The following ATG12 variants were observed in gnomAD, a reference collection of about 807,000 sequenced individuals.
ATG12 encodes autophagy related 12, also known as ubiquitin-like protein ATG12.
Under a neutral mutation model 17.6 loss-of-function variants are expected in ATG12, and 19 were observed. The ratio of observed to expected loss-of-function variants is 1.08; its 90% confidence interval spans 0.75 to 1.58. The LOEUF (loss-of-function observed/expected upper bound fraction) is 1.58, where lower values mean the gene tolerates loss of function less well. Among genes scored for constraint, ATG12 ranks in the 40% most tolerant of loss-of-function variants. The pLI is 0.00. For missense variants in ATG12, 214 were observed against 162.0 expected (o/e 1.32, Z -1.74); for synonymous variants, 75 against 62.4 (o/e 1.20, Z -0.95).
chr5:115,832,775 G>C, intron 2 of ATG12, 111 bp from the exon 3 acceptor site: 1 of 1,074,574 alleles, frequency 9.3e-7, no homozygotes, highest in Non-Finnish European at 1.3e-6. Context: ...ATTGAAGAAA[G>C]CTTCTCTGAA....
rs1434101268 is a variant in ATG12 at position 115,831,086 on chromosome 5, G to T, written c.*718C>A. 6.6e-6 allele frequency: 1 copy of T among 152,156 alleles called. No individual in the cohort carries two copies. The highest frequency in any genetic ancestry group is 6.5e-5 in the Admixed American group (1 of 15,274). The allele number at this position is 152,156 out of a possible 1,614,324, so 9.4% of individuals were successfully genotyped here. A position where few individuals can be genotyped will look rare whatever the true frequency, so the allele number is the denominator to read the frequency against. On this transcript the variant is annotated 3_prime_UTR_variant, in exon 4 of 4. Coordinates refer to ENST00000509910, the MANE Select transcript of ATG12 (RefSeq NM_004707.4). ...AGAGTAACACCACAGTTATGTGATT[G>T]GGACTCAAGAATCCTTAAATGTTAG...
chr5:115,839,831 T>C (rs1400782586), intron 1 of ATG12, among the ~76,000 whole-genome samples: 1 of 152,172 alleles, frequency 6.6e-6, no homozygotes, highest in Non-Finnish European at 1.5e-5. Flanking sequence ...GTAGGAATAG[T>C]TAGAAACTAA....
Position 115,829,561 on chromosome 5 carries a change from T to G in ATG12, c.*2243A>C, listed in dbSNP as rs1037863244. On this transcript the variant is annotated 3_prime_UTR_variant, in exon 4 of 4. Coordinates refer to ENST00000509910, the MANE Select transcript of ATG12 (RefSeq NM_004707.4). ...TACTTTGTGTGCCATGGGTCATCTATGCACAGTAAGATGAAGCATGATATT... is the reference window on the plus strand; with the variant it reads ...TACTTTGTGTGCCATGGGTCATCTAGGCACAGTAAGATGAAGCATGATATT... 5.3e-5 allele frequency: 8 copies of G among 152,224 alleles called. No individual in the cohort carries two copies. Among genetic ancestry groups the G allele is most frequent in the Admixed American group, 3.9e-4 (6 of 15,280 alleles). 9.4% of individuals were successfully genotyped at this position (152,224 alleles called of 1,614,324 possible). A position where few individuals can be genotyped will look rare whatever the true frequency, so the allele number is the denominator to read the frequency against.
In ATG12 at chr5:115,832,645, G is replaced by GAA; in HGVS notation, c.319_320insTT (p.Ser107PhefsTer82). On this transcript the variant is annotated frameshift_variant, in exon 3 of 4. Transcript: ENST00000509910. LOFTEE classifies it high-confidence loss of function. The stretch of plus-strand genomic sequence containing the variant: ...TTCTTGGTCTGGGGAAGGAGCAAAG[G>GAA]ACTGATTCACATAAATAAACTACAA... The GAA allele has an allele frequency of 6.7e-7, 1 of 1,501,848 alleles. No homozygotes were observed. The highest frequency in any genetic ancestry group is 2.6e-5 in the East Asian group (1 of 38,150). The allele number at this position is 1,501,848 out of a possible 1,614,324, so 93.0% of individuals were successfully genotyped here.
chr5:115,835,252 A>G (rs1407704335), intron 2 of ATG12: 1 of 152,114 alleles, frequency 6.6e-6, no homozygotes, highest in East Asian at 1.9e-4. Flanking sequence ...GCTTGATTTC[A>G]TCGTCTCTAG....
chr5:115,836,748 T>C (rs1474890631), intron 2 of ATG12, among the ~76,000 whole-genome samples: 1 of 152,238 alleles, frequency 6.6e-6, no homozygotes, highest in Non-Finnish European at 1.5e-5. Context: ...GATTGTGATC[T>C]ATTTGCAGAT....
Position 115,841,465 on chromosome 5 carries a change from T to C in ATG12, c.88A>G (p.Thr30Ala). 6.2e-7 allele frequency: 1 copy of C among 1,611,014 alleles called. No homozygotes were observed. The highest frequency in any genetic ancestry group is 8.5e-7 in the Non-Finnish European group (1 of 1,179,214). ...EGLTDVSPET[T>A]TPEPPSSAAV... The stretch of plus-strand genomic sequence containing the variant: ...GCGGAAGACGGGGGCTCCGGGGTGG[T>C]TGTTTCTGGGGAGACATCCGTAAGT... The change falls in exon 1 of 4, where the codon ACC (threonine) becomes GCC (alanine). Residue 30 changes from threonine (T) to alanine (A), a missense_variant. Physicochemically the swap from Thr to Ala is moderately conservative, Grantham distance 58. Coordinates refer to ENST00000509910, the MANE Select transcript of ATG12 (RefSeq NM_004707.4).
chr5:115,841,307 A>G, intron 1 of ATG12, 83 bp downstream of exon 1: 3 of 1,578,278 alleles, frequency 1.9e-6, no homozygotes, highest in Non-Finnish European at 2.6e-6. Context: ...GCTCCTCTAA[A>G]TTTTGCTTCT....
rs185269788 is a variant in ATG12 at position 115,830,949 on chromosome 5, C to T, written c.*855G>A. 1 of 152,244 alleles carries T rather than the reference C, an allele frequency of 6.6e-6. No homozygotes were observed. Among genetic ancestry groups the T allele is most frequent in the Admixed American group, 6.5e-5 (1 of 15,294 alleles). 9.4% of individuals were successfully genotyped at this position (152,244 alleles called of 1,614,324 possible). A position where few individuals can be genotyped will look rare whatever the true frequency, so the allele number is the denominator to read the frequency against. On this transcript the variant is annotated 3_prime_UTR_variant, in exon 4 of 4. Transcript: ENST00000509910. ...ACTTTTAGTCATGGCATAAAATATA[C>T]AATAAGGCTATTTTTCAATTATTGT...
At chr5:115,840,874 TAGC>T in intron 1 of ATG12, 1 of 1,286,792 alleles carries the variant, frequency 7.8e-7, no homozygotes, top group Non-Finnish European at 1.0e-6. Flanking sequence ...AGCTTTCCCT[TAGC>T]AGTCTTCATT....
In ATG12 at chr5:115,828,524, C is replaced by T. The variant is rs1580558526; in HGVS notation, c.*3280G>A. 1.3e-5 allele frequency: 2 copies of T among 151,980 alleles called. No individual in the cohort carries two copies. The highest frequency in any genetic ancestry group is 4.8e-5 in the African/African-American group (2 of 41,354). 9.4% of individuals were successfully genotyped at this position (151,980 alleles called of 1,614,324 possible). On this transcript the variant is annotated 3_prime_UTR_variant, in exon 4 of 4. Coordinates refer to ENST00000509910, the MANE Select transcript of ATG12 (RefSeq NM_004707.4). ...TGGCCATTTGTATCTTTTTGTGAAT[C>T]GAAATTTGGTATGTTTTGCCTATTT...
chr5:115,828,772 T>C lies in ATG12; in HGVS notation c.*3032A>G, dbSNP rs1760740926. On this transcript the variant is annotated 3_prime_UTR_variant, in exon 4 of 4. Transcript: ENST00000509910. ...TTTACATATAAGGAAATGTACTAAG[T>C]ATTATGTGTGTGTGGGTACCAGATA... 2 of 152,138 alleles carry C rather than the reference T, an allele frequency of 1.3e-5. No homozygotes were observed. Among genetic ancestry groups the C allele is most frequent in the African/African-American group, 4.8e-5 (2 of 41,438 alleles). The allele number at this position is 152,138 out of a possible 1,614,324, so 9.4% of individuals were successfully genotyped here. A position where few individuals can be genotyped will look rare whatever the true frequency, so the allele number is the denominator to read the frequency against.
chr5:115,840,897 A>G, intron 1 of ATG12: 1 of 1,288,520 alleles, frequency 7.8e-7, no homozygotes, highest in Non-Finnish European at 1.0e-6. Context: ...TCTGCATAAG[A>G]ATTTGGTTTT....
chr5:115,840,069 C>G (rs955136314), intron 1 of ATG12, among the ~76,000 whole-genome samples: 1 of 152,176 alleles, frequency 6.6e-6, no homozygotes, highest in Non-Finnish European at 1.5e-5. Flanking sequence ...AAACGAATCT[C>G]CGAACGTCCG....
At chr5:115,840,888 C>A (rs1398424209) in intron 1 of ATG12, 1 of 1,288,272 alleles carries the variant, frequency 7.8e-7, no homozygotes, top group South Asian at 1.2e-5. Flanking sequence ...AGTCTTCATT[C>A]TGCATAAGAA....
In ATG12 at chr5:115,828,779, T is replaced by C. The variant is rs1235556379; in HGVS notation, c.*3025A>G. On this transcript the variant is annotated 3_prime_UTR_variant, in exon 4 of 4. Transcript: ENST00000509910. The stretch of plus-strand genomic sequence containing the variant: ...ATAAGGAAATGTACTAAGTATTATG[T>C]GTGTGTGGGTACCAGATAAAAACCA... The C allele has an allele frequency of 1.3e-5, 2 of 152,196 alleles. No homozygotes were observed. The highest frequency in any genetic ancestry group is 4.8e-5 in the African/African-American group (2 of 41,456). 9.4% of individuals were successfully genotyped at this position (152,196 alleles called of 1,614,324 possible).
chr5:115,834,368 ACAT>A (rs2112722028), intron 2 of ATG12: 1 of 152,390 alleles, frequency 6.6e-6, no homozygotes, highest in South Asian at 2.1e-4. Context: ...TAACAGGTTA[ACAT>A]CATCAATTCC....
intron 3 of ATG12, among the ~76,000 whole-genome samples, chr5:115,832,198 C>T (rs1760897263): frequency 6.6e-6 from 1 of 152,090 alleles, no homozygotes; most frequent in Non-Finnish European, 1.5e-5. Flanking sequence ...ATTACAATGA[C>T]TCTGTAAGAT....
At position 115,833,729 on chromosome 5, in the gene ATG12, G is replaced by A. The variant is rs889916220; in HGVS notation, c.301-1065C>T. ...ATCAATTTGTGGTTATGGCTGAGTA[G>A]AGTTCTGGCACAAAAATTTCAGAAC... On this transcript the variant is annotated intron_variant, in intron 2 of 3. Transcript: ENST00000509910. 2.0e-5 allele frequency: 3 copies of A among 152,176 alleles called. No homozygotes were observed. The East Asian group carries it at 5.8e-4, about 29-fold the overall frequency. The allele number at this position is 152,176 out of a possible 1,614,324, so 9.4% of individuals were successfully genotyped here.
Sources: gnomAD v4.1 joint callset for allele counts (sites outside exome capture counted in the v4.1 genomes callset) on GRCh38, gnomAD v4.1.1 for gene constraint, MANE v1.5 for transcripts, NCBI Gene and HGNC (gene_info 2026-07-23, HGNC 2026-07-21) for gene names.